Variants in PNPLA7 observed in about 807,000 individuals in gnomAD.
PNPLA7 encodes the protein patatin-like phospholipase domain-containing protein 7.
In PNPLA7, 153 loss-of-function variants were observed where a neutral mutation model predicts 161.7. The observed-to-expected ratio is 0.95, with a 90% CI of 0.83 to 1.08. The LOEUF (loss-of-function observed/expected upper bound fraction) is 1.08. PNPLA7 is among the 50% of genes least tolerant of loss of function. PNPLA7 has a pLI of 0.00. For missense variants in PNPLA7, 1,739 were observed against 1,856.6 expected (o/e 0.94, Z 1.16); for synonymous variants, 809 against 782.1 (o/e 1.03, Z -0.57).
intron 12 of PNPLA7, among the ~76,000 whole-genome samples, chr9:137,511,625 T>C (rs1273174226): frequency 3.3e-5 from 5 of 152,228 alleles, no homozygotes. Context: ...GCGAGCACTC[T>C]GCTCCACCAG....
intron 25 of PNPLA7, among the ~76,000 whole-genome samples, chr9:137,475,592 T>C (rs1831912549): frequency 6.6e-6 from 1 of 151,964 alleles, no homozygotes; most frequent in South Asian, 2.1e-4. Flanking sequence ...GCCAGGCTGC[T>C]CTCAAACTCC....
chr9:137,500,635 G>C lies in PNPLA7; in HGVS notation c.1757+56C>G. 6.5e-7 allele frequency: 1 copy of C among 1,544,178 alleles called. No individual in the cohort carries two copies. The highest frequency in any genetic ancestry group is 8.9e-7 in the Non-Finnish European group (1 of 1,126,468). The stretch of plus-strand genomic sequence containing the variant: ...GAAGAGGCCGGCCACGCGGGGAGGG[G>C]TCTCAGGGCAGGGGGGGCTGGGGCC... On this transcript the variant is annotated intron_variant, in intron 16 of 34. Coordinates refer to ENST00000406427, the MANE Select transcript of PNPLA7 (RefSeq NM_001098537.3). The surrounding 1 kb of genome is among the most constrained non-coding windows in gnomAD (Gnocchi z 5.5).
chr9:137,531,835 T>C (rs1254506717), intron 8 of PNPLA7, among the ~76,000 whole-genome samples: 2 of 152,150 alleles, frequency 1.3e-5, no homozygotes, highest in Non-Finnish European at 2.9e-5. Flanking sequence ...ACGTGGGTAA[T>C]GTGAACAGAG....
Position 137,460,111 on chromosome 9 carries a change from G to C in PNPLA7, c.*282C>G. 1 of 354,608 alleles carries C rather than the reference G, an allele frequency of 2.8e-6. No individual in the cohort carries two copies. Among genetic ancestry groups the C allele is most frequent in the East Asian group, 5.9e-5 (1 of 17,048 alleles). The allele number at this position is 354,608 out of a possible 1,614,324, so 22.0% of individuals were successfully genotyped here. On this transcript the variant is annotated 3_prime_UTR_variant, in exon 35 of 35. Coordinates refer to ENST00000406427, the MANE Select transcript of PNPLA7 (RefSeq NM_001098537.3). ...TCACAGGGCTTCGGGGGGCCTCACA[G>C]GGCTTCGGGGGGCCTCACAGGGCTG...
chr9:137,478,380 C>T (rs3812500), intron 24 of PNPLA7: 5 of 347,090 alleles, frequency 1.4e-5, no homozygotes, highest in East Asian at 4.2e-5. Context: ...GCAGAGGGTA[C>T]GTGGGCAAGA....
At chr9:137,549,655 C>T (rs1395750384) in intron 1 of PNPLA7, among the ~76,000 whole-genome samples, 2 of 150,536 alleles carry the variant, frequency 1.3e-5, no homozygotes, top group African/African-American at 4.9e-5. Flanking sequence ...ATTAGCCGGG[C>T]GTGGTGCCTG....
Position 137,468,864 on chromosome 9 carries a change from G to C in PNPLA7, c.2883-1391C>G, listed in dbSNP as rs538418667. On this transcript the variant is annotated intron_variant, in intron 25 of 34. Transcript: ENST00000406427. The surrounding 1 kb of genome is among the most constrained non-coding windows in gnomAD (Gnocchi z 4.0). Reference sequence around the variant, plus strand: ...TAATTGGATACTCAAAAATGGTTAAGTGGTAAATTTTATGTTATGTATATT... The same window carrying C: ...TAATTGGATACTCAAAAATGGTTAACTGGTAAATTTTATGTTATGTATATT... Among the ~76,000 whole-genome samples, 10 of 152,042 alleles carry C rather than the reference G, an allele frequency of 6.6e-5. No homozygotes were observed. Among genetic ancestry groups the C allele is most frequent in the African/African-American group, 1.4e-4 (6 of 41,386 alleles).
chr9:137,504,193 AAGAGGAAGAAGAAGAG>A (rs1056949291), intron 14 of PNPLA7, among the ~76,000 whole-genome samples: 20 of 114,800 alleles, frequency 1.7e-4, no homozygotes, highest in African/African-American at 6.8e-4. Context: ...AAGGAAGAAG[AAGAGGAAGAAGAAGAG>A]AGATTTTTTT....
intron 20 of PNPLA7, among the ~76,000 whole-genome samples, chr9:137,489,308 A>C (rs1832657326): frequency 6.6e-6 from 1 of 152,180 alleles, no homozygotes; most frequent in South Asian, 2.1e-4. Flanking sequence ...TCACGTTCAA[A>C]CCACACTCCA....
At chr9:137,469,510 G>GA (rs1181038587) in intron 25 of PNPLA7, among the ~76,000 whole-genome samples, 3 of 152,114 alleles carry the variant, frequency 2.0e-5, no homozygotes, top group Non-Finnish European at 1.5e-5. Context: ...CCCAAGGAAA[G>GA]AAAAAACCTT....
In PNPLA7 at chr9:137,523,712, C is replaced by T. The variant is rs1050610253; in HGVS notation, c.748-855G>A. On this transcript the variant is annotated intron_variant, in intron 8 of 34. Coordinates refer to ENST00000406427, the MANE Select transcript of PNPLA7 (RefSeq NM_001098537.3). The surrounding 1 kb of genome is among the most constrained non-coding windows in gnomAD (Gnocchi z 4.4). ...CGTGATCTTGGCTCACTGCAAGCTCCGCCTCCCGGGTTCACACCATTCTCC... is the reference window on the plus strand; with the variant it reads ...CGTGATCTTGGCTCACTGCAAGCTCTGCCTCCCGGGTTCACACCATTCTCC... Among the ~76,000 whole-genome samples, 6 of 151,970 alleles carry T rather than the reference C, an allele frequency of 3.9e-5. No individual in the cohort carries two copies. The highest frequency in any genetic ancestry group is 5.9e-5 in the Non-Finnish European group (4 of 67,976).
At chr9:137,487,041 C>G (rs556139847) in intron 20 of PNPLA7, among the ~76,000 whole-genome samples, 1 of 150,324 alleles carries the variant, frequency 6.7e-6, no homozygotes, top group East Asian at 2.0e-4. Flanking sequence ...TGACCCAACT[C>G]GACTGCAGCT....
intron 26 of PNPLA7, among the ~76,000 whole-genome samples, chr9:137,466,109 C>G (rs1831448974): frequency 6.6e-6 from 1 of 152,202 alleles, no homozygotes. Context: ...GTGCCATGCA[C>G]CAGGGACAGC....
chr9:137,497,244 C>G lies in PNPLA7; in HGVS notation c.1956G>C (p.Lys652Asn). The G allele has an allele frequency of 1.3e-6, 2 of 1,592,654 alleles. No individual in the cohort carries two copies. The highest frequency in any genetic ancestry group is 8.5e-7 in the Non-Finnish European group (1 of 1,170,608). ...LSGRLRSVIR[K>N]DDGKKRLAGE... ...CGGCCAGGCGCTTCTTCCCATCATC[C>G]TTCCGGATCACAGAGCGCAGCCGGC... The change falls in exon 18 of 35, where the codon AAG (lysine) becomes AAC (asparagine). Residue 652 changes from lysine (K) to asparagine (N), a missense_variant. By Grantham distance (94) the Lys-to-Asn change is moderately conservative (BLOSUM62 0). This residue lies in a region of PNPLA7 where 481 missense variants were observed against 450.0 expected (regional missense o/e 1.07). Coordinates refer to ENST00000406427, the MANE Select transcript of PNPLA7 (RefSeq NM_001098537.3).
intron 8 of PNPLA7, among the ~76,000 whole-genome samples, chr9:137,527,247 G>A (rs1466021894): frequency 6.7e-6 from 1 of 148,184 alleles, no homozygotes; most frequent in Non-Finnish European, 1.5e-5. Context: ...CGGCCTGGGA[G>A]ACAGAGCAAG....
intron 9 of PNPLA7, among the ~76,000 whole-genome samples, chr9:137,522,392 G>A (rs893136868): frequency 2.7e-5 from 4 of 150,266 alleles, no homozygotes; most frequent in East Asian, 3.9e-4. Flanking sequence ...GGGTTTCACC[G>A]TGTGAGCCAG....
intron 12 of PNPLA7, 108 bp downstream of exon 12, chr9:137,515,271 G>C: frequency 7.0e-7 from 1 of 1,420,220 alleles, no homozygotes; most frequent in Non-Finnish European, 9.4e-7. Context: ...CTCTAGTGGA[G>C]GGTGCCCGCC....
rs1479033642 is a variant in PNPLA7, at chr9:137,500,225, C to A, written c.1757+466G>T. On this transcript the variant is annotated intron_variant, in intron 16 of 34. Coordinates refer to ENST00000406427, the MANE Select transcript of PNPLA7 (RefSeq NM_001098537.3). The surrounding 1 kb of genome is among the most constrained non-coding windows in gnomAD (Gnocchi z 5.5). Reference sequence around the variant, plus strand: ...ACACACGTCAGTGGGGCTCCTCCCCCGAGCCAGAGACGCGTCCTCACCCAC... The same window carrying A: ...ACACACGTCAGTGGGGCTCCTCCCCAGAGCCAGAGACGCGTCCTCACCCAC... 6.6e-6 allele frequency among the ~76,000 whole-genome samples: 1 copy of A among 152,374 alleles called. No homozygotes were observed. The highest frequency in any genetic ancestry group is 2.4e-5 in the African/African-American group (1 of 41,590).
intron 32 of PNPLA7, 116 bp from the exon 33 acceptor site, chr9:137,461,736 C>A: frequency 7.9e-7 from 1 of 1,259,762 alleles, no homozygotes. Flanking sequence ...CTCCGCCTGC[C>A]CCCCAAGTAA....
Sources: gnomAD v4.1 joint callset for allele counts (sites outside exome capture counted in the v4.1 genomes callset) on GRCh38, gnomAD v4.1.1 for gene constraint, gnomAD v4.1.1 regional missense constraint, Gnocchi (gnomAD v3.1) non-coding constraint, MANE v1.5 for transcripts, NCBI Gene and HGNC (gene_info 2026-07-23, HGNC 2026-07-21) for gene names.